The following FOXO1 variants were observed in gnomAD, a reference collection of about 807,000 sequenced individuals.
FOXO1 encodes the protein forkhead box O1, also known as forkhead box protein O1.
A neutral mutation model predicts 44.1 loss-of-function variants in FOXO1; 6 were observed. The ratio of observed to expected loss-of-function variants is 0.14; its 90% CI spans 0.07 to 0.27. The LOEUF is 0.27. Ranked by LOEUF, FOXO1 falls within the 10% of genes least tolerant of loss-of-function variation. The probability of loss-of-function intolerance (pLI) is 1.00; values close to 1 mark genes in which losing one functional copy is unlikely to be tolerated. For synonymous variants in FOXO1, 380 were observed against 362.7 expected, an observed-to-expected ratio of 1.05 and a Z score of -0.54; for missense variants, 737 against 888.8, an observed-to-expected ratio of 0.83 and a Z score of 2.17.
chr13:40,637,301 G>A (rs996437169), intron 1 of FOXO1, among the ~76,000 whole-genome samples: 6 of 151,900 alleles, frequency 3.9e-5, no homozygotes, highest in Non-Finnish European at 8.8e-5. Flanking sequence ...AAAATTAGCC[G>A]GGCATGGTGA....
chr13:40,629,084 G>A (rs1876878183), intron 1 of FOXO1, among the ~76,000 whole-genome samples: 1 of 151,676 alleles, frequency 6.6e-6, no homozygotes, highest in African/African-American at 2.4e-5. Flanking sequence ...ACTAGGATTG[G>A]ATCACAATGG....
At chr13:40,606,278 ATGGT>A (rs1007750536) in intron 1 of FOXO1, among the ~76,000 whole-genome samples, 61 of 152,032 alleles carry the variant, frequency 4.0e-4, no homozygotes, top group African/African-American at 1.4e-3. Flanking sequence ...GACCAGCAAC[ATGGT>A]TGGTTGGTTT....
intron 1 of FOXO1, among the ~76,000 whole-genome samples, chr13:40,572,739 G>A (rs970700051): frequency 6.6e-6 from 1 of 152,188 alleles, no homozygotes; most frequent in Non-Finnish European, 1.5e-5. Context: ...CACCATCACA[G>A]AGATTGAGCC....
chr13:40,559,423 A>G, intron 2 of FOXO1, 86 bp downstream of exon 2: 1 of 1,219,592 alleles, frequency 8.2e-7, no homozygotes, highest in Admixed American at 2.4e-5. Flanking sequence ...TTGACATCAA[A>G]GATGTGCTAA....
intron 1 of FOXO1, among the ~76,000 whole-genome samples, chr13:40,568,932 G>C (rs1258676032): frequency 2.6e-5 from 4 of 152,206 alleles, no homozygotes; most frequent in African/African-American, 9.7e-5. Context: ...ACTTATGGGT[G>C]TTCATTTACA....
In FOXO1 at chr13:40,620,487, G is replaced by C. The variant is rs574323527; in HGVS notation, c.630+45096C>G. On this transcript the variant is annotated intron_variant, in intron 1 of 2. Coordinates refer to ENST00000379561, the MANE Select transcript of FOXO1 (RefSeq NM_002015.4). ...GTCAATCTTAAGGCAGATTATGACT[G>C]GGTCTGGAGAATCTAGTACTCTAAG... 4.7e-5 allele frequency: 26 copies of C among 558,284 alleles called. 1 individual carries two copies. Among genetic ancestry groups the C allele is most frequent in the South Asian group, 3.6e-4 (20 of 54,986 alleles). The allele number at this position is 558,284 out of a possible 1,614,324, so 34.6% of individuals were successfully genotyped here.
chr13:40,594,682 A>T (rs1242557681), intron 1 of FOXO1, among the ~76,000 whole-genome samples: 1 of 152,150 alleles, frequency 6.6e-6, no homozygotes, highest in Non-Finnish European at 1.5e-5. Flanking sequence ...CCTCCATGCC[A>T]TCTACAGGAG....
intron 1 of FOXO1, among the ~76,000 whole-genome samples, chr13:40,637,001 T>C (rs577463017): frequency 3.9e-5 from 6 of 152,258 alleles, no homozygotes; most frequent in African/African-American, 9.6e-5. Flanking sequence ...TTGATCATTA[T>C]TGCACCAACT....
At chr13:40,608,044 TGAAAAACTGAACTAG>T (rs1876085961) in intron 1 of FOXO1, among the ~76,000 whole-genome samples, 1 of 152,226 alleles carries the variant, frequency 6.6e-6, no homozygotes, top group Admixed American at 6.5e-5. Flanking sequence ...AACATCCATA[TGAAAAACTGAACTAG>T]TGTTTCTTGG....
intron 1 of FOXO1, among the ~76,000 whole-genome samples, chr13:40,614,652 A>C (rs1002557486): frequency 2.2e-4 from 34 of 152,186 alleles, no homozygotes; most frequent in African/African-American, 7.7e-4. Context: ...TGCTCCCCTT[A>C]TCTGGTGGCC....
Position 40,666,013 on chromosome 13 carries a change from C to G in FOXO1, c.200G>C (p.Ser67Thr). 7.9e-7 allele frequency: 1 copy of G among 1,271,800 alleles called. No individual in the cohort carries two copies. The allele number at this position is 1,271,800 out of a possible 1,614,324, so 78.8% of individuals were successfully genotyped here. Residue 67 changes from serine to threonine, a missense_variant, in exon 1 of 3, where the codon AGC (serine) becomes ACC (threonine). By Grantham distance (58) the Ser-to-Thr change is moderately conservative. Around this residue, in one of 7 missense-constraint regions of FOXO1, gnomAD observed 213 missense variants for 236.4 expected, o/e 0.90. Coordinates refer to ENST00000379561, the MANE Select transcript of FOXO1 (RefSeq NM_002015.4). ...GCTCAGGTTGCTCATGAAGTCGGCG[C>G]TGACAGCGGCAGCCGAGGCCGAGGG... ...GLPSASAAAV[S>T]ADFMSNLSLL...
intron 1 of FOXO1, among the ~76,000 whole-genome samples, chr13:40,634,506 T>C (rs1438698162): frequency 6.6e-6 from 1 of 152,024 alleles, no homozygotes; most frequent in East Asian, 1.9e-4. Flanking sequence ...ACCCCATTTC[T>C]ACAAAAAAAA....
rs141076037 is a variant in FOXO1, at chr13:40,660,013, C to CT, written c.630+5569dup. ...CAAAGAGGAAGATGTCTTCCACACT[C>CT]TAAGTATTTGTACACAGCATATCCC... On this transcript the variant is annotated intron_variant, in intron 1 of 2. Transcript: ENST00000379561. 8.4e-3 allele frequency among the ~76,000 whole-genome samples: 1,280 copies of CT among 152,310 alleles called. 16 individuals are homozygous for CT. Among genetic ancestry groups the CT allele is most frequent in the African/African-American group, 0.029 (1,225 of 41,558 alleles).
At chr13:40,639,127 G>A (rs533453617) in intron 1 of FOXO1, among the ~76,000 whole-genome samples, 1 of 152,272 alleles carries the variant, frequency 6.6e-6, no homozygotes, top group East Asian at 1.9e-4. Context: ...CCGGGAGCAG[G>A]GGGTTGCAGT....
chr13:40,591,983 A>T (rs545184440), intron 1 of FOXO1, among the ~76,000 whole-genome samples: 11 of 152,310 alleles, frequency 7.2e-5, no homozygotes, highest in Admixed American at 7.2e-4. Flanking sequence ...CTGAGATTAC[A>T]GACGTGAGCC....
rs138231104 is a variant in FOXO1, at chr13:40,601,730, T to G, written c.631-40870A>C. Among the ~76,000 whole-genome samples, 229 of 152,352 alleles carry G rather than the reference T, an allele frequency of 1.5e-3. 2 individuals carry two copies. The highest frequency in any genetic ancestry group is 5.2e-3 in the African/African-American group (218 of 41,586). On this transcript the variant is annotated intron_variant, in intron 1 of 2. Transcript: ENST00000379561. ...ACACGTTTCTAAAAGATGTTGTTCT[T>G]GCTTTGTTATTCTTTTGAAAAATAT...
At chr13:40,642,692 G>A (rs991262402) in intron 1 of FOXO1, among the ~76,000 whole-genome samples, 1 of 152,124 alleles carries the variant, frequency 6.6e-6, no homozygotes, top group African/African-American at 2.4e-5. Flanking sequence ...GCCAAGGCAG[G>A]TAGATTGCCT....
intron 1 of FOXO1, among the ~76,000 whole-genome samples, chr13:40,585,337 G>GCA (rs1250938769): frequency 9.1e-6 from 1 of 109,942 alleles, no homozygotes; most frequent in Admixed American, 9.4e-5. Context: ...TTTCCTCTGC[G>GCA]CGCGCGCACA....
chr13:40,566,367 T>G (rs2137831048), intron 1 of FOXO1, among the ~76,000 whole-genome samples: 1 of 150,844 alleles, frequency 6.6e-6, no homozygotes, highest in East Asian at 1.9e-4. Context: ...TTTACAACTT[T>G]CATTGACTTT....
Sources: allele counts gnomAD v4.1 joint callset (sites outside exome capture counted in the v4.1 genomes callset), GRCh38; gene constraint gnomAD v4.1.1; regional missense constraint gnomAD v4.1.1; transcripts MANE v1.5; gene names NCBI Gene and HGNC (gene_info 2026-07-23, HGNC 2026-07-21).